USO1: variants seen among roughly 807,000 people sequenced by gnomAD.
The protein encoded by USO1 is USO1 vesicle transport factor, also known as general vesicular transport factor p115.
A neutral mutation model predicts 124.5 loss-of-function variants in USO1; 57 were observed. That is an observed-to-expected ratio of 0.46 (90% CI 0.37 to 0.57). The LOEUF (loss-of-function observed/expected upper bound fraction) is 0.57. USO1 is among the 20% of genes least tolerant of loss of function. USO1 has a pLI of 0.00. For missense variants in USO1, 900 were observed against 1,040.6 expected (o/e 0.86, Z 1.86); for synonymous variants, 369 against 362.8 (o/e 1.02, Z -0.19).
chr4:75,788,619 T>C (rs902602281), intron 10 of USO1, among the ~76,000 whole-genome samples: 4 of 151,086 alleles, frequency 2.6e-5, no homozygotes, highest in African/African-American at 9.7e-5. Flanking sequence ...CTCGGCTCAC[T>C]GCAACCTCCG....
At chr4:75,792,656 C>T (rs1722564780) in intron 12 of USO1, among the ~76,000 whole-genome samples, 1 of 152,002 alleles carries the variant, frequency 6.6e-6, no homozygotes, top group African/African-American at 2.4e-5. Context: ...GAAATTGCAC[C>T]ACTGCACTCC....
intron 16 of USO1, 23 bp downstream of exon 16, chr4:75,800,822 A>C (rs950357352): frequency 5.6e-6 from 9 of 1,601,128 alleles, no homozygotes; most frequent in African/African-American, 1.3e-5. Context: ...ATTTATATTG[A>C]TATTTGATGG....
At chr4:75,803,475 C>A (rs531257276) in intron 17 of USO1, among the ~76,000 whole-genome samples, 1 of 151,662 alleles carries the variant, frequency 6.6e-6, no homozygotes. Flanking sequence ...TGGTGAAACC[C>A]CATCTCTACT....
chr4:75,774,238 A>G (rs1722010498), intron 7 of USO1, among the ~76,000 whole-genome samples: 1 of 152,150 alleles, frequency 6.6e-6, no homozygotes. Flanking sequence ...GAATTTCTGA[A>G]CTTTCTCTAC....
intron 7 of USO1, among the ~76,000 whole-genome samples, chr4:75,772,296 G>A (rs1451803246): frequency 6.6e-6 from 1 of 152,090 alleles, no homozygotes; most frequent in Non-Finnish European, 1.5e-5. Context: ...GAGTGCAGTG[G>A]CATGATCTCG....
chr4:75,790,509 T>TGAAATAGA lies in USO1; in HGVS notation c.1086-131_1086-124dup, dbSNP rs946363583. 6.6e-6 allele frequency: 9 copies of TGAAATAGA among 1,366,678 alleles called. No homozygotes were observed. The African/African-American group carries it at 1.2e-4, about 18-fold the overall frequency. 84.7% of individuals were successfully genotyped at this position (1,366,678 alleles called of 1,614,324 possible). On this transcript the variant is annotated intron_variant, in intron 11 of 23. Transcript: ENST00000514213. ...CACTTCTGTCAGTTACAGTTTTCTGTGAAATAGAGATGGAAATACTTAACT... is the reference window on the plus strand; with the variant it reads ...CACTTCTGTCAGTTACAGTTTTCTGTGAAATAGAGAAATAGAGATGGAAATACTTAACT...
intron 1 of USO1, among the ~76,000 whole-genome samples, chr4:75,751,924 A>G (rs1023515974): frequency 2.6e-5 from 4 of 152,156 alleles, no homozygotes; most frequent in Admixed American, 1.3e-4. Context: ...AAAAGTTTTG[A>G]TATAAAGTTT....
chr4:75,771,151 C>T lies in USO1; in HGVS notation c.555+14C>T, dbSNP rs778960849. The T allele has an allele frequency of 6.3e-7, 1 of 1,586,032 alleles. No homozygotes were observed. Among genetic ancestry groups the T allele is most frequent in the East Asian group, 2.2e-5 (1 of 44,520 alleles). ...ATACGTAATGATGTAAGTTAAATTT[C>T]AAAAAGAAATACAAAAATATGTGGC... On this transcript the variant is annotated intron_variant, in intron 7 of 23. Transcript: ENST00000514213.
chr4:75,745,878 C>T (rs1288493948), intron 1 of USO1, among the ~76,000 whole-genome samples: 1 of 151,212 alleles, frequency 6.6e-6, no homozygotes, highest in African/African-American at 2.4e-5. Flanking sequence ...CCAGCCTAGG[C>T]GACAGAGTGA....
At chr4:75,791,295 G>A (rs1050771763) in intron 12 of USO1, among the ~76,000 whole-genome samples, 7 of 152,172 alleles carry the variant, frequency 4.6e-5, no homozygotes, top group Admixed American at 6.5e-5. Flanking sequence ...AGGCCAAGGC[G>A]GGCAGATAAC....
At chr4:75,757,684 A>G (rs1385308097) in intron 4 of USO1, 111 bp downstream of exon 4, 3 of 1,065,224 alleles carry the variant, frequency 2.8e-6, no homozygotes, top group Non-Finnish European at 3.6e-6. Context: ...AAGTTTTTTT[A>G]CTTTTTTCAT....
chr4:75,802,100 G>T (rs929401621), intron 17 of USO1, among the ~76,000 whole-genome samples: 1 of 152,156 alleles, frequency 6.6e-6, no homozygotes, highest in South Asian at 2.1e-4. Flanking sequence ...GGGATTATAG[G>T]CATAAGCCAG....
intron 8 of USO1, among the ~76,000 whole-genome samples, chr4:75,776,229 C>T (rs537608816): frequency 6.6e-6 from 1 of 152,154 alleles, no homozygotes; most frequent in African/African-American, 2.4e-5. Flanking sequence ...AGGGTCACAG[C>T]TTCAACATGC....
At chr4:75,740,168 T>TA (rs1428906372) in intron 1 of USO1, among the ~76,000 whole-genome samples, 2 of 152,130 alleles carry the variant, frequency 1.3e-5, no homozygotes, top group Admixed American at 6.6e-5. Context: ...ACCTCATCTC[T>TA]AAAAAAATTT....
intron 12 of USO1, 122 bp from the exon 13 acceptor site, chr4:75,793,568 T>C (rs1016160360): frequency 2.3e-5 from 30 of 1,285,338 alleles, no homozygotes; most frequent in Non-Finnish European, 3.0e-5. Context: ...CATTAATACA[T>C]GTTTAATGAT....
At chr4:75,806,260 C>T (rs1231288967) in intron 19 of USO1, among the ~76,000 whole-genome samples, 1 of 152,194 alleles carries the variant, frequency 6.6e-6, no homozygotes, top group Non-Finnish European at 1.5e-5. Context: ...CCAAGGATTA[C>T]AGGCATGAGC....
intron 17 of USO1, 127 bp from the exon 18 acceptor site, chr4:75,804,007 C>G: frequency 2.5e-6 from 3 of 1,223,666 alleles, no homozygotes; most frequent in Non-Finnish European, 1.1e-6. Context: ...AATTACTGAA[C>G]GATTTTGGAA....
intron 17 of USO1, 69 bp downstream of exon 17, chr4:75,801,269 T>G (rs13133472): frequency 7.0e-7 from 1 of 1,434,570 alleles, no homozygotes. Context: ...GGGAGCCTTT[T>G]TTTCTGACAT....
Position 75,804,454 on chromosome 4 carries a change from T to C in USO1, c.2125+182T>C, listed in dbSNP as rs115739681. Among the ~76,000 whole-genome samples, 871 of 152,298 alleles carry C rather than the reference T, an allele frequency of 5.7e-3. 16 individuals are homozygous for C. Among genetic ancestry groups the C allele is most frequent in the African/African-American group, 0.02 (815 of 41,574 alleles). On this transcript the variant is annotated intron_variant, in intron 18 of 23. Transcript: ENST00000514213. ...GTTAAGAGCAGTTAAGACTGGACCT[T>C]TAGAGATTGAAGTCCAAGCTTCTTG...
Sources: allele counts gnomAD v4.1 joint callset (sites outside exome capture counted in the v4.1 genomes callset), GRCh38; gene constraint gnomAD v4.1.1; transcripts MANE v1.5; gene names NCBI Gene and HGNC (gene_info 2026-07-23, HGNC 2026-07-21).